Variants in CEP85L observed in about 807,000 individuals in gnomAD.
CEP85L encodes centrosomal protein 85L.
In CEP85L, 60 loss-of-function variants were observed where a neutral mutation model predicts 100.3. The ratio of observed to expected loss-of-function variants is 0.60; its 90% CI spans 0.49 to 0.74. The LOEUF (loss-of-function observed/expected upper bound fraction) is 0.74. CEP85L is among the 30% of genes least tolerant of loss of function. The pLI, the probability that CEP85L is intolerant of heterozygous loss-of-function variation, is 0.00. For missense variants in CEP85L, 973 were observed against 936.2 expected (o/e 1.04, Z -0.51); for synonymous variants, 319 against 322.7 (o/e 0.99, Z 0.12).
intron 1 of CEP85L, among the ~76,000 whole-genome samples, chr6:118,688,303 C>G (rs1776907372): frequency 6.6e-6 from 1 of 152,158 alleles, no homozygotes; most frequent in Admixed American, 6.5e-5. Context: ...GTCCAGTCCT[C>G]TGTTTTATTT....
intron 3 of CEP85L, among the ~76,000 whole-genome samples, chr6:118,528,581 T>A (rs912693296): frequency 6.6e-6 from 1 of 152,212 alleles, no homozygotes; most frequent in Non-Finnish European, 1.5e-5. Flanking sequence ...TCTTCCTTAC[T>A]AAACTTAAAC....
intron 2 of CEP85L, among the ~76,000 whole-genome samples, chr6:118,581,328 T>G (rs1030801086): frequency 1.3e-5 from 2 of 152,134 alleles, no homozygotes; most frequent in South Asian, 2.1e-4. Flanking sequence ...GGGTAAATGC[T>G]TTAGCATGGG....
chr6:118,631,386 C>A (rs188297086), intron 2 of CEP85L, among the ~76,000 whole-genome samples: 374 of 152,264 alleles, frequency 2.5e-3, no homozygotes, highest in Non-Finnish European at 4.0e-3. Context: ...GGAAATGGTA[C>A]AGTCACTCTA....
intron 11 of CEP85L, among the ~76,000 whole-genome samples, chr6:118,469,905 C>A (rs1369770323): frequency 6.6e-6 from 1 of 152,040 alleles, no homozygotes; most frequent in Non-Finnish European, 1.5e-5. Context: ...CCATACCCAG[C>A]CTGTATTTTT....
chr6:118,523,826 C>T lies in CEP85L; in HGVS notation c.1115G>A (p.Arg372Lys), dbSNP rs777321707. The T allele has an allele frequency of 1.5e-5, 23 of 1,572,080 alleles. No individual in the cohort carries two copies. Among genetic ancestry groups the T allele is most frequent in the Non-Finnish European group, 1.9e-5 (22 of 1,143,222 alleles). Residue 372 changes from arginine to lysine, a missense_variant, in exon 4 of 13, where the codon AGG (arginine) becomes AAG (lysine). Transcript: ENST00000368491. ...SMLKIKEGLL[R>K]QKEIVIDRQK... is the part of the protein sequence containing the mutation. ...CCGATCGATTACAATTTCTTTCTGC[C>T]TTAGAAGTCCTTCTTTTATTTTCAA...
At chr6:118,557,972 T>G (rs2114962820) in intron 3 of CEP85L, among the ~76,000 whole-genome samples, 1 of 152,090 alleles carries the variant, frequency 6.6e-6, no homozygotes, top group East Asian at 1.9e-4. Flanking sequence ...TGGCTTTTTT[T>G]TTTTTTTCCT....
At chr6:118,688,241 C>T (rs1190293496) in intron 1 of CEP85L, among the ~76,000 whole-genome samples, 2 of 152,100 alleles carry the variant, frequency 1.3e-5, no homozygotes, top group African/African-American at 4.8e-5. Flanking sequence ...CCTCAGGTGA[C>T]CCACATGCCT....
At chr6:118,549,955 A>T (rs559007479) in intron 3 of CEP85L, among the ~76,000 whole-genome samples, 1 of 151,884 alleles carries the variant, frequency 6.6e-6, no homozygotes, top group Non-Finnish European at 1.5e-5. Flanking sequence ...AGTACCATAC[A>T]TTGTGTCCCA....
At chr6:118,699,779 C>T (rs1777350971) in intron 1 of CEP85L, among the ~76,000 whole-genome samples, 1 of 152,138 alleles carries the variant, frequency 6.6e-6, no homozygotes, top group Non-Finnish European at 1.5e-5. Flanking sequence ...AGTGCAACCT[C>T]CGCCTCCTGG....
Position 118,508,944 on chromosome 6 carries a change from T to G in CEP85L, c.1257+2354A>C, listed in dbSNP as rs570518350. On this transcript the variant is annotated intron_variant, in intron 5 of 12. Transcript: ENST00000368491. ...GCTGTTTCTTCTAACCCTCACCATTTTATTGGCTCTCTGTATCTATCCATT... is the reference window on the plus strand; with the variant it reads ...GCTGTTTCTTCTAACCCTCACCATTGTATTGGCTCTCTGTATCTATCCATT... 5.3e-5 allele frequency among the ~76,000 whole-genome samples: 8 copies of G among 152,228 alleles called. No individual in the cohort carries two copies. The South Asian group carries it at 1.2e-3, about 24-fold the overall frequency.
At chr6:118,611,694 G>A (rs530017621) in intron 2 of CEP85L, among the ~76,000 whole-genome samples, 32 of 152,150 alleles carry the variant, frequency 2.1e-4, no homozygotes, top group South Asian at 1.9e-3. Flanking sequence ...TGAAAAAAGC[G>A]TGTTAGCTAT....
At chr6:118,557,772 A>G (rs1027700353) in intron 3 of CEP85L, among the ~76,000 whole-genome samples, 21 of 152,204 alleles carry the variant, frequency 1.4e-4, no homozygotes, top group African/African-American at 4.8e-4. Flanking sequence ...GATCATACAA[A>G]TGCATGACAA....
rs551453396 is a variant in CEP85L, at chr6:118,495,382, T to C, written c.1258-3517A>G. 5.5e-4 allele frequency among the ~76,000 whole-genome samples: 83 copies of C among 152,240 alleles called. 1 individual carries two copies. In the Middle Eastern group the frequency reaches 0.02, roughly 37 times the overall value. On this transcript the variant is annotated intron_variant, in intron 5 of 12. Transcript: ENST00000368491. ...TGTTGAGGGACTCAGTGGGAGGTAA[T>C]TGAATCATGGGGGCGATTACCCCCA...
intron 1 of CEP85L, among the ~76,000 whole-genome samples, chr6:118,678,549 CTATTT>C (rs1427160450): frequency 6.6e-6 from 1 of 152,214 alleles, no homozygotes; most frequent in Non-Finnish European, 1.5e-5. Flanking sequence ...TTACTGAACT[CTATTT>C]TATTGCCTCT....
chr6:118,617,812 G>C (rs953548406), intron 2 of CEP85L, among the ~76,000 whole-genome samples: 1 of 152,168 alleles, frequency 6.6e-6, no homozygotes, highest in Admixed American at 6.5e-5. Context: ...TAGTGAGCCA[G>C]CCAGGAGACT....
chr6:118,585,802 G>A (rs777953225), intron 2 of CEP85L, among the ~76,000 whole-genome samples: 16 of 152,112 alleles, frequency 1.1e-4, no homozygotes, highest in Non-Finnish European at 1.6e-4. Context: ...CTGAACAGGC[G>A]ACTCCTTCCT....
chr6:118,548,408 C>T (rs138655402), intron 3 of CEP85L: 8 of 152,188 alleles, frequency 5.3e-5, no homozygotes, highest in Admixed American at 2.6e-4. Context: ...AAACAGATTT[C>T]GCTGACTTTG....
intron 3 of CEP85L, among the ~76,000 whole-genome samples, chr6:118,540,953 T>C (rs1371151327): frequency 1.3e-5 from 2 of 152,098 alleles, no homozygotes; most frequent in African/African-American, 4.8e-5. Flanking sequence ...AAGTGTGAAG[T>C]TTCAGGAGCA....
At position 118,559,299 on chromosome 6, in the gene CEP85L, T is replaced by C. The variant is rs1347440330; in HGVS notation, c.1020+6230A>G. 5.5e-6 allele frequency: 3 copies of C among 548,132 alleles called. No individual in the cohort carries two copies. The African/African-American group carries it at 5.7e-5, about 10-fold the overall frequency. The allele number at this position is 548,132 out of a possible 1,614,324, so 34.0% of individuals were successfully genotyped here. On this transcript the variant is annotated intron_variant, in intron 3 of 12. Coordinates refer to ENST00000368491, the MANE Select transcript of CEP85L (RefSeq NM_001042475.3). ...AGGGCTTTATTTTCAAAAATTAACT[T>C]CAAAATAAGTGTATAAAATGCAACT...
Sources: allele counts gnomAD v4.1 joint callset (sites outside exome capture counted in the v4.1 genomes callset), GRCh38; gene constraint gnomAD v4.1.1; transcripts MANE v1.5; gene names NCBI Gene and HGNC (gene_info 2026-07-23, HGNC 2026-07-21).